SRPK3: variants seen among roughly 807,000 people sequenced by gnomAD.
SRPK3 encodes SRSF protein kinase 3.
In SRPK3, 26 loss-of-function variants were observed where a neutral mutation model predicts 45.3. That is an observed-to-expected ratio of 0.57 (90% CI 0.42 to 0.80). The LOEUF (loss-of-function observed/expected upper bound fraction) is 0.80, where lower values mean the gene tolerates loss of function less well. SRPK3 is among the 30% of genes least tolerant of loss of function. The pLI is 0.00. For synonymous variants in SRPK3, 254 were observed against 226.6 expected (o/e 1.12, Z -1.09); for missense variants, 536 against 514.5 (o/e 1.04, Z -0.40).
Position 153,784,162 on chromosome X carries a change from C to T in SRPK3, c.1096C>T (p.Leu366Phe), listed in dbSNP as rs2092070335. ...SLFSPASCSILSGSSNQRETG... is the reference protein window; with the variant it reads ...SLFSPASCSIFSGSSNQRETG... ...CTTCTCTCCTGCCTCCTGCTCCATC[C>T]TCTCCGGCTCGTCCAATCAGCGAGA... is the stretch of plus-strand genomic sequence containing the variant. The change falls in exon 10 of 15, where the codon CTC (leucine) becomes TTC (phenylalanine). Residue 366 changes from leucine to phenylalanine, a missense_variant. Leu to Phe is a conservative substitution (Grantham distance 22). Coordinates refer to ENST00000370101, the MANE Select transcript of SRPK3 (RefSeq NM_014370.4). 8.3e-7 allele frequency: 1 copy of T among 1,209,663 alleles called. No individual in the cohort carries two copies. Among genetic ancestry groups the T allele is most frequent in the African/African-American group, 1.7e-5 (1 of 57,426 alleles).
chrX:153,781,557 G>C lies in SRPK3; in HGVS notation c.243G>C (p.Val81=). 8.3e-7 allele frequency: 1 copy of C among 1,211,150 alleles called. No individual in the cohort carries two copies. Among genetic ancestry groups the C allele is most frequent in the Admixed American group, 2.2e-5 (1 of 46,108 alleles). ...ACGTGTTCAATGGGCGGTACCACGTGGTGCGCAAACTGGGCTGGGGCCACT... is the reference window on the plus strand; with the variant it reads ...ACGTGTTCAATGGGCGGTACCACGTCGTGCGCAAACTGGGCTGGGGCCACT... ...IGDVFNGRYH[V]VRKLGWGHFS... Residue 81 remains valine (V), a synonymous_variant, in exon 3 of 15, where the codon GTG becomes GTC. Coordinates refer to ENST00000370101, the MANE Select transcript of SRPK3 (RefSeq NM_014370.4).
At position 153,782,124 on chromosome X, in the gene SRPK3, C is replaced by G. The variant is rs782624498; in HGVS notation, c.391C>G (p.Arg131Gly). ...GGCCCCTTGGCTTTTGCTCCAGGTC[C>G]GGGACAGCGACCCCAGTGACCCCAA... ...VDEIKLLKCV[R>G]DSDPSDPKRE... is the part of the protein sequence containing the mutation. The change falls in exon 5 of 15, where the codon CGG becomes GGG. Residue 131 changes from arginine (R) to glycine (G), a missense_variant. By Grantham distance (125) the Arg-to-Gly change is moderately radical (BLOSUM62 -2). Coordinates refer to ENST00000370101, the MANE Select transcript of SRPK3 (RefSeq NM_014370.4). 2.2e-5 allele frequency: 26 copies of G among 1,209,035 alleles called. No homozygotes were observed. The highest frequency in any genetic ancestry group is 2.7e-5 in the Non-Finnish European group (24 of 894,258).
In SRPK3 at chrX:153,784,731, G is replaced by A; in HGVS notation, c.1249-19G>A. ...CAGCCTTGGCCCCAGCCCGTCCCCA[G>A]GGCTCCCCTTGCTTCCAGCACAAGC... On this transcript the variant is annotated intron_variant, in intron 11 of 14. Transcript: ENST00000370101. The A allele has an allele frequency of 8.3e-7, 1 of 1,208,370 alleles. No homozygotes were observed. Among genetic ancestry groups the A allele is most frequent in the Non-Finnish European group, 1.1e-6 (1 of 893,114 alleles).
rs1557068714 is a variant in SRPK3, at chrX:153,785,407, C to T, written c.1591C>T (p.Pro531Ser). ...YEVLMEKYEW[P>S]LEQATQFSAF... is the part of the protein sequence containing the mutation. ...GGTACTCATGGAAAAGTACGAGTGG[C>T]CCCTAGAGCAGGCCACACAGTTCAG... The change falls in exon 15 of 15, where the codon CCC becomes TCC. Residue 531 changes from proline to serine, a missense_variant. Pro to Ser is a moderately conservative substitution (Grantham distance 74). Transcript: ENST00000370101. The T allele has an allele frequency of 3.3e-6, 4 of 1,211,048 alleles. No individual in the cohort carries two copies. Among genetic ancestry groups the T allele is most frequent in the Non-Finnish European group, 4.5e-6 (4 of 895,259 alleles).
Position 153,783,217 on chromosome X carries a change from C to T in SRPK3, c.749-9C>T. Reference sequence around the variant, plus strand: ...GTCCCCCCCCACCGCTCCCCACCTGCACTCCCAGTCAGCACTGCCCCCCAG... The same window carrying T: ...GTCCCCCCCCACCGCTCCCCACCTGTACTCCCAGTCAGCACTGCCCCCCAG... On this transcript the variant is annotated splice_polypyrimidine_tract_variant and intron_variant, in intron 7 of 14. Coordinates refer to ENST00000370101, the MANE Select transcript of SRPK3 (RefSeq NM_014370.4). 8 of 1,139,738 alleles carry T rather than the reference C, an allele frequency of 7.0e-6. No individual in the cohort carries two copies. Among genetic ancestry groups the T allele is most frequent in the Non-Finnish European group, 9.5e-6 (8 of 843,259 alleles). The allele number at this position is 1,139,738 out of a possible 1,213,427, so 93.9% of individuals were successfully genotyped here. A position where few individuals can be genotyped will look rare whatever the true frequency, so the allele number is the denominator to read the frequency against.
rs782736498 is a variant in SRPK3 at position 153,784,385 on chromosome X, C to G, written c.1239C>G (p.Ala413=). 1.7e-6 allele frequency: 2 copies of G among 1,209,218 alleles called. No homozygotes were observed. Among genetic ancestry groups the G allele is most frequent in the Non-Finnish European group, 2.2e-6 (2 of 894,697 alleles). Residue 413 remains alanine, a synonymous_variant, in exon 11 of 15, where the codon GCC becomes GCG. Transcript: ENST00000370101. ...IKIKIADLGN[A]CWVHKHFTED... ...TCAAGATCGCAGACCTGGGCAACGCCTGCTGGGTGGTATGAGCAAGTGTGG... is the reference window on the plus strand; with the variant it reads ...TCAAGATCGCAGACCTGGGCAACGCGTGCTGGGTGGTATGAGCAAGTGTGG...
At position 153,783,075 on chromosome X, in the gene SRPK3, G is replaced by C. The variant is rs367934508; in HGVS notation, c.705G>C (p.Thr235=). 8.6e-7 allele frequency: 1 copy of C among 1,169,153 alleles called. No individual in the cohort carries two copies. Among genetic ancestry groups the C allele is most frequent in the Non-Finnish European group, 1.1e-6 (1 of 875,558 alleles). ...AYIRRLAAEA[T]EWQQAGAPPP... ...TCAGGCGCCTGGCTGCCGAGGCCAC[G>C]GAGTGGCAACAGGCAGGGGCGCCGC... Residue 235 remains threonine, a synonymous_variant, in exon 7 of 15, where the codon ACG becomes ACC. Coordinates refer to ENST00000370101, the MANE Select transcript of SRPK3 (RefSeq NM_014370.4).
chrX:153,784,054 T>G lies in SRPK3; in HGVS notation c.988T>G (p.Ser330Ala). ...CCCCGGGGGCGCCAGAGCAGGTCCCTCCCCAGCCTCTTCCTCCCCCGCCCC... is the reference window on the plus strand; with the variant it reads ...CCCCGGGGGCGCCAGAGCAGGTCCCGCCCCAGCCTCTTCCTCCCCCGCCCC... ...CHPGGARAGP[S>A]PASSSPAPGG... Residue 330 changes from serine (S) to alanine (A), a missense_variant, in exon 10 of 15, where the codon TCC (serine) becomes GCC (alanine). Ser to Ala is a moderately conservative substitution (Grantham distance 99). Transcript: ENST00000370101. The G allele has an allele frequency of 8.3e-7, 1 of 1,209,295 alleles. No individual in the cohort carries two copies. Among genetic ancestry groups the G allele is most frequent in the Middle Eastern group, 2.3e-4 (1 of 4,338 alleles).
In SRPK3 at chrX:153,781,807, G is replaced by A; in HGVS notation, c.364G>A (p.Asp122Asn). Reference protein sequence around the residue: ...SAGHYTETAVDEIKLLKCVRD... With the variant: ...SAGHYTETAVNEIKLLKCVRD... ...GGGGCATTACACGGAGACAGCTGTGGATGAGATCAAGCTCCTGAAATGTGT... is the reference window on the plus strand; with the variant it reads ...GGGGCATTACACGGAGACAGCTGTGAATGAGATCAAGCTCCTGAAATGTGT... Residue 122 changes from aspartate (D) to asparagine (N), a missense_variant, in exon 4 of 15, where the codon GAT becomes AAT. Physicochemically the swap from Asp to Asn is conservative, Grantham distance 23 (BLOSUM62 1). Transcript: ENST00000370101. The A allele has an allele frequency of 8.3e-7, 1 of 1,211,688 alleles. No homozygotes were observed. Among genetic ancestry groups the A allele is most frequent in the Non-Finnish European group, 1.1e-6 (1 of 895,557 alleles).
Position 153,784,106 on chromosome X carries a change from G to T in SRPK3, c.1040G>T (p.Gly347Val), listed in dbSNP as rs1301805474. The change falls in exon 10 of 15, where the codon GGC becomes GTC. Residue 347 changes from glycine to valine, a missense_variant. Transcript: ENST00000370101. ...APGGGRSLSA[G>V]SQTSGFSGSL... ...GGGGGCGGCCGTAGCCTCAGCGCGG[G>T]CTCACAGACCTCAGGCTTCTCCGGC... 8.3e-7 allele frequency: 1 copy of T among 1,210,921 alleles called. No individual in the cohort carries two copies. Among genetic ancestry groups the T allele is most frequent in the Non-Finnish European group, 1.1e-6 (1 of 895,503 alleles).
At chrX:153,781,910 G>A in intron 4 of SRPK3, 80 bp downstream of exon 4, 7 of 1,097,905 alleles carry the variant, frequency 6.4e-6, no homozygotes, top group Non-Finnish European at 8.7e-6. Flanking sequence ...GCCTGCCGGG[G>A]CTCTGTGGGG....
In SRPK3 at chrX:153,785,664, C is replaced by G; in HGVS notation, c.*144C>G. ...GCCCGGCTCTCAGAGCGTGTTCTGC[C>G]TGAGACCCCCGTGAGGGCTCTCGGA... On this transcript the variant is annotated 3_prime_UTR_variant, in exon 15 of 15. Coordinates refer to ENST00000370101, the MANE Select transcript of SRPK3 (RefSeq NM_014370.4). 3 of 851,765 alleles carry G rather than the reference C, an allele frequency of 3.5e-6. No homozygotes were observed. Among genetic ancestry groups the G allele is most frequent in the Non-Finnish European group, 4.9e-6 (3 of 606,843 alleles). 70.2% of individuals were successfully genotyped at this position (851,765 alleles called of 1,213,427 possible).
Position 153,781,497 on chromosome X carries a change from C to A in SRPK3, c.191-8C>A, listed in dbSNP as rs1557066835. The A allele has an allele frequency of 8.3e-7, 1 of 1,206,729 alleles. No homozygotes were observed. Among genetic ancestry groups the A allele is most frequent in the Admixed American group, 2.2e-5 (1 of 45,924 alleles). On this transcript the variant is annotated splice_region_variant and splice_polypyrimidine_tract_variant and intron_variant, in intron 2 of 14. Transcript: ENST00000370101. Reference sequence around the variant, plus strand: ...CCCTCCACCCCAATCTACATCTCCCCTGGGCAGGCGGCTACCACCCTGTGA... The same window carrying A: ...CCCTCCACCCCAATCTACATCTCCCATGGGCAGGCGGCTACCACCCTGTGA...
At position 153,785,187 on chromosome X, in the gene SRPK3, C is replaced by G. The variant is rs782681949; in HGVS notation, c.1519+14C>G. The G allele has an allele frequency of 4.2e-6, 5 of 1,195,379 alleles. No homozygotes were observed. The highest frequency in any genetic ancestry group is 2.2e-5 in the Admixed American group (1 of 45,373). On this transcript the variant is annotated intron_variant, in intron 14 of 14. Transcript: ENST00000370101. ...TCAACCGGAGAGGTGAGGGCCCGGG[C>G]AGCCTCAGGCCATGTGGCTGCAGGG...
chrX:153,785,253 A>T, intron 14 of SRPK3, 80 bp downstream of exon 14: 1 of 1,180,910 alleles, frequency 8.5e-7, no homozygotes, highest in Non-Finnish European at 1.1e-6. Flanking sequence ...CAGAGGGAAC[A>T]CTGGGTCCCA....
intron 10 of SRPK3, 37 bp downstream of exon 10, chrX:153,784,250 G>C: frequency 8.3e-7 from 1 of 1,210,745 alleles, no homozygotes; most frequent in Non-Finnish European, 1.1e-6. Context: ...GGCAGGGCTG[G>C]CAGTAGTCGG....
In SRPK3 at chrX:153,783,105, C is replaced by T. The variant is rs372493835; in HGVS notation, c.735C>T (p.Pro245=). 126 of 1,166,182 alleles carry T rather than the reference C, an allele frequency of 1.1e-4. No individual in the cohort carries two copies. The African/African-American group carries it at 1.7e-3, about 15-fold the overall frequency. ...GGCAACAGGCAGGGGCGCCGCCCCC[C>T]TCCCGCTCCATAGGTACCAAGGGCC... ...TEWQQAGAPP[P]SRSIVSTAPQ... The change falls in exon 7 of 15, where the codon CCC becomes CCT. Residue 245 remains proline (P), a synonymous_variant. Transcript: ENST00000370101.
Position 153,785,154 on chromosome X carries a change from G to T in SRPK3, c.1500G>T (p.Arg500=), listed in dbSNP as rs200265045. The change falls in exon 14 of 15, where the codon CGG becomes CGT. Residue 500 remains arginine, a synonymous_variant. Coordinates refer to ENST00000370101, the MANE Select transcript of SRPK3 (RefSeq NM_014370.4). ...TCGCCCTCTCAGGCCGCTATTCCCG[G>T]GAGTTCTTCAACCGGAGAGGTGAGG... The part of the protein sequence containing the change: ...PAFALSGRYS[R]EFFNRRGELR... The T allele has an allele frequency of 1.7e-6, 2 of 1,208,890 alleles. No homozygotes were observed. The highest frequency in any genetic ancestry group is 5.9e-5 in the East Asian group (2 of 33,738).
chrX:153,782,137 C>A lies in SRPK3; in HGVS notation c.404C>A (p.Pro135His). ...KLLKCVRDSDPSDPKRETIVQ... is the reference protein window; with the variant it reads ...KLLKCVRDSDHSDPKRETIVQ... Reference sequence around the variant, plus strand: ...TTGCTCCAGGTCCGGGACAGCGACCCCAGTGACCCCAAAAGAGAGACCATT... The same window carrying A: ...TTGCTCCAGGTCCGGGACAGCGACCACAGTGACCCCAAAAGAGAGACCATT... Residue 135 changes from proline (P) to histidine (H), a missense_variant, in exon 5 of 15, where the codon CCC becomes CAC. Pro to His is a moderately conservative substitution (Grantham distance 77). Transcript: ENST00000370101. 8.3e-7 allele frequency: 1 copy of A among 1,211,278 alleles called. No homozygotes were observed. Among genetic ancestry groups the A allele is most frequent in the Non-Finnish European group, 1.1e-6 (1 of 895,190 alleles).
Sources: gnomAD v4.1 joint callset for allele counts on GRCh38, gnomAD v4.1.1 for gene constraint, MANE v1.5 for transcripts, NCBI Gene and HGNC (gene_info 2026-07-23, HGNC 2026-07-21) for gene names.